Variants in CD8B2 observed in about 807,000 individuals in gnomAD.
CD8B2 encodes the protein T-cell surface glycoprotein CD8 beta-2 chain.
CD8B2 carries 11 observed loss-of-function variants against 23.7 expected under a neutral mutation model. That is an observed-to-expected ratio of 0.46 (90% CI 0.29 to 0.77). The LOEUF (loss-of-function observed/expected upper bound fraction) is 0.77. Among genes scored for constraint, CD8B2 ranks in the 30% least tolerant of loss-of-function variants. The pLI, the probability that CD8B2 is intolerant of heterozygous loss-of-function variation, is 0.09. For synonymous variants in CD8B2, 90 were observed against 109.3 expected (o/e 0.82, Z 1.10); for missense variants, 197 against 270.5 (o/e 0.73, Z 1.91).
At chr2:106,540,172 T>C (rs763564696) in intron 5 of CD8B2, among the ~76,000 whole-genome samples, 51 of 151,830 alleles carry the variant, frequency 3.4e-4, no homozygotes, top group Non-Finnish European at 4.1e-4. Flanking sequence ...CAGAGAATCG[T>C]TTATGTAGAC....
chr2:106,528,163 T>C (rs970760530), intron 5 of CD8B2, among the ~76,000 whole-genome samples: 1 of 152,234 alleles, frequency 6.6e-6, no homozygotes, highest in Non-Finnish European at 1.5e-5. Flanking sequence ...ATTAGCCTTG[T>C]GTATATTGAC....
chr2:106,498,924 T>C (rs1679348425), intron 3 of CD8B2, among the ~76,000 whole-genome samples: 1 of 152,000 alleles, frequency 6.6e-6, no homozygotes, highest in East Asian at 1.9e-4. Flanking sequence ...TGGGGGACCA[T>C]TTCTAAACCA....
chr2:106,537,467 A>G (rs937399901), intron 5 of CD8B2, among the ~76,000 whole-genome samples: 4 of 152,202 alleles, frequency 2.6e-5, no homozygotes, highest in Non-Finnish European at 5.9e-5. Flanking sequence ...AAAACAGCTT[A>G]TCTTACTTAA....
At chr2:106,516,384 C>T (rs1679730133) in intron 5 of CD8B2, among the ~76,000 whole-genome samples, 1 of 152,146 alleles carries the variant, frequency 6.6e-6, no homozygotes, top group African/African-American at 2.4e-5. Flanking sequence ...CATACCCAGG[C>T]CTAAGCTGAC....
At chr2:106,524,978 T>A (rs1414872045) in intron 5 of CD8B2, among the ~76,000 whole-genome samples, 4 of 152,198 alleles carry the variant, frequency 2.6e-5, no homozygotes, top group Non-Finnish European at 5.9e-5. Context: ...TCCAGCAGTC[T>A]GTAAGAGTTA....
intron 5 of CD8B2, among the ~76,000 whole-genome samples, chr2:106,524,129 G>A (rs1679872662): frequency 6.6e-6 from 1 of 152,170 alleles, no homozygotes; most frequent in Non-Finnish European, 1.5e-5. Flanking sequence ...TAGCTTCCTG[G>A]ATTGTTGCTA....
rs1033694517 is a variant in CD8B2 at position 106,504,440 on chromosome 2, G to A, written c.620+115G>A. On this transcript the variant is annotated intron_variant, in intron 5 of 5. Transcript: ENST00000643224. ...CTCATCTTCCAAAGATCATAGACTC[G>A]GCCGGGCGTGGTAGTGCACACCTGT... 76 of 1,534,572 alleles carry A rather than the reference G, an allele frequency of 5.0e-5. No individual in the cohort carries two copies. The African/African-American group carries it at 6.3e-4, about 13-fold the overall frequency.
chr2:106,507,159 C>A lies in CD8B2; in HGVS notation c.*219C>A. On this transcript the variant is annotated 3_prime_UTR_variant, in exon 6 of 6. Coordinates refer to ENST00000643224, the MANE Select transcript of CD8B2 (RefSeq NM_001349727.2). Reference sequence around the variant, plus strand: ...ATACTAGGGAGAAGGTTTCATTGCCCCCAGGGCACTTCACAGAGTGTGCTG... The same window carrying A: ...ATACTAGGGAGAAGGTTTCATTGCCACCAGGGCACTTCACAGAGTGTGCTG... 7.2e-7 allele frequency: 1 copy of A among 1,396,976 alleles called. No homozygotes were observed. The highest frequency in any genetic ancestry group is 2.7e-5 in the East Asian group (1 of 36,778). 86.5% of individuals were successfully genotyped at this position (1,396,976 alleles called of 1,614,324 possible). A position where few individuals can be genotyped will look rare whatever the true frequency, so the allele number is the denominator to read the frequency against.
At chr2:106,514,324 G>C (rs1371329197), downstream of CD8B2, among the ~76,000 whole-genome samples, 3 of 127,330 alleles carry the variant, frequency 2.4e-5, no homozygotes, top group Admixed American at 2.8e-4. Context: ...GTTTTGCTCT[G>C]TTGCCCAGGC....
intron 3 of CD8B2, among the ~76,000 whole-genome samples, chr2:106,496,668 A>G (rs1175823699): frequency 2.0e-5 from 3 of 152,036 alleles, no homozygotes; most frequent in Non-Finnish European, 4.4e-5. Context: ...ACAAAAATCC[A>G]TATACTATAT....
chr2:106,501,654 C>T (rs548953496), intron 3 of CD8B2, among the ~76,000 whole-genome samples: 1 of 152,302 alleles, frequency 6.6e-6, no homozygotes, highest in Admixed American at 6.5e-5. Context: ...TGCACTCCAG[C>T]CTGGGCGACA....
intron 5 of CD8B2, among the ~76,000 whole-genome samples, chr2:106,533,440 T>C (rs1237587349): frequency 1.3e-5 from 2 of 152,086 alleles, no homozygotes; most frequent in Non-Finnish European, 2.9e-5. Flanking sequence ...TTTGTAAACG[T>C]TGGTGATGAC....
At chr2:106,525,590 C>G (rs1051443711) in intron 5 of CD8B2, among the ~76,000 whole-genome samples, 6 of 152,152 alleles carry the variant, frequency 3.9e-5, no homozygotes, top group African/African-American at 1.4e-4. Context: ...TTCGTCACCC[C>G]CAAAGGAAAC....
intron 5 of CD8B2, among the ~76,000 whole-genome samples, chr2:106,517,457 C>A (rs1679745989): frequency 6.6e-6 from 1 of 152,076 alleles, no homozygotes; most frequent in Non-Finnish European, 1.5e-5. Context: ...AAGACGTCTC[C>A]GCTGACTCTC....
intron 2 of CD8B2, among the ~76,000 whole-genome samples, chr2:106,493,802 G>A (rs1679242749): frequency 1.3e-5 from 2 of 152,318 alleles, no homozygotes; most frequent in South Asian, 2.1e-4. Flanking sequence ...TGGCTCTGCA[G>A]CCAGTGGCTG....
At chr2:106,501,582 T>C (rs2104556788) in intron 3 of CD8B2, among the ~76,000 whole-genome samples, 1 of 152,250 alleles carries the variant, frequency 6.6e-6, no homozygotes, top group East Asian at 1.9e-4. Context: ...CTTGGGAGGC[T>C]GAGGCAGGAG....
intron 5 of CD8B2, among the ~76,000 whole-genome samples, chr2:106,527,769 C>T (rs573290444): frequency 4.0e-5 from 6 of 151,874 alleles, no homozygotes; most frequent in African/African-American, 9.7e-5. Context: ...GGCCACAGAG[C>T]GAGACTTTGT....
At chr2:106,513,730 C>G (rs980169576), downstream of CD8B2, among the ~76,000 whole-genome samples, 1 of 152,088 alleles carries the variant, frequency 6.6e-6, no homozygotes, top group African/African-American at 2.4e-5. Flanking sequence ...TCCACCCTTA[C>G]CTCAGCCTCA....
intron 5 of CD8B2, among the ~76,000 whole-genome samples, chr2:106,520,409 T>A (rs959580929): frequency 6.6e-6 from 1 of 152,094 alleles, no homozygotes; most frequent in Non-Finnish European, 1.5e-5. Context: ...TCCAGAATCA[T>A]TGAGGCTCGG....
Sources: gnomAD v4.1 joint callset for allele counts (sites outside exome capture counted in the v4.1 genomes callset) on GRCh38, gnomAD v4.1.1 for gene constraint, MANE v1.5 for transcripts, NCBI Gene and HGNC (gene_info 2026-07-23, HGNC 2026-07-21) for gene names.